GRM7: variants seen among roughly 807,000 people sequenced by gnomAD.
GRM7 encodes the protein glutamate metabotropic receptor 7, also known as metabotropic glutamate receptor 7.
Under a neutral mutation model 84.5 loss-of-function variants are expected in GRM7, and 35 were observed. The ratio of observed to expected loss-of-function variants is 0.41; its 90% CI spans 0.32 to 0.55. The LOEUF is 0.55. GRM7 is among the 20% of genes least tolerant of loss of function. The probability of loss-of-function intolerance (pLI) is 0.19; values close to 1 mark genes in which losing one functional copy is unlikely to be tolerated. For missense variants in GRM7, 1,003 were observed against 1,194.6 expected (o/e 0.84, Z 2.36); for synonymous variants, 487 against 455.1 (o/e 1.07, Z -0.89).
chr3:6,867,966 A>G (rs942635624), intron 1 of GRM7, among the ~76,000 whole-genome samples: 1 of 152,210 alleles, frequency 6.6e-6, no homozygotes, highest in East Asian at 1.9e-4. Flanking sequence ...CAAAAATCAA[A>G]TATATGAATT....
intron 1 of GRM7, among the ~76,000 whole-genome samples, chr3:6,952,615 C>A (rs971986587): frequency 6.6e-6 from 1 of 152,156 alleles, no homozygotes; most frequent in Non-Finnish European, 1.5e-5. Flanking sequence ...TCATAGGACT[C>A]ATTTTGTTTG....
At chr3:7,629,584 G>A (rs113518525) in intron 8 of GRM7, among the ~76,000 whole-genome samples, 2 of 152,182 alleles carry the variant, frequency 1.3e-5, no homozygotes, top group East Asian at 1.9e-4. Flanking sequence ...TCAAATATAC[G>A]TGCATTGGGG....
chr3:7,500,029 C>G (rs964717075), intron 7 of GRM7, among the ~76,000 whole-genome samples: 4 of 152,208 alleles, frequency 2.6e-5, no homozygotes, highest in African/African-American at 9.6e-5. Context: ...CCGCCTTGGC[C>G]TCCCAAAGTG....
intron 1 of GRM7, among the ~76,000 whole-genome samples, chr3:6,955,541 A>G (rs1230921983): frequency 6.6e-6 from 1 of 151,728 alleles, no homozygotes. Context: ...CATCAAAAAA[A>G]AAAAGAAGAA....
chr3:7,574,215 A>G (rs1360692223), intron 7 of GRM7, among the ~76,000 whole-genome samples: 1 of 146,416 alleles, frequency 6.8e-6, no homozygotes. Flanking sequence ...GCTGGAGTGC[A>G]GAGGCACAAT....
intron 1 of GRM7, among the ~76,000 whole-genome samples, chr3:7,004,308 G>A (rs1028834242): frequency 1.3e-5 from 2 of 152,108 alleles, no homozygotes; most frequent in African/African-American, 4.8e-5. Context: ...TGTATATGAT[G>A]TATTGGGATG....
intron 7 of GRM7, among the ~76,000 whole-genome samples, chr3:7,482,470 G>T (rs1471479211): frequency 6.6e-6 from 1 of 152,204 alleles, no homozygotes; most frequent in Non-Finnish European, 1.5e-5. Flanking sequence ...GTGGACCTAG[G>T]GAGGTACATG....
chr3:6,975,451 C>A (rs545509826), intron 1 of GRM7, among the ~76,000 whole-genome samples: 16 of 152,158 alleles, frequency 1.1e-4, no homozygotes, highest in Non-Finnish European at 2.4e-4. Flanking sequence ...AAAATCATTT[C>A]ACTTCTCTAG....
chr3:7,489,377 A>G (rs747201902), intron 7 of GRM7, among the ~76,000 whole-genome samples: 10 of 152,206 alleles, frequency 6.6e-5, no homozygotes, highest in Non-Finnish European at 1.0e-4. Flanking sequence ...TCCTTGGGAT[A>G]CACATTGTTA....
chr3:6,940,427 C>T (rs2125055914), intron 1 of GRM7, among the ~76,000 whole-genome samples: 1 of 152,268 alleles, frequency 6.6e-6, no homozygotes, highest in East Asian at 1.9e-4. Flanking sequence ...TCTTACTCAA[C>T]AAACATAAGT....
At chr3:7,649,460 G>C (rs1223722976) in intron 8 of GRM7, among the ~76,000 whole-genome samples, 2 of 152,006 alleles carry the variant, frequency 1.3e-5, no homozygotes, top group African/African-American at 4.8e-5. Context: ...TTTTGATGAA[G>C]GTTTCAAAAA....
intron 4 of GRM7, 47 bp from the exon 5 acceptor site, chr3:7,414,976 C>T: frequency 2.0e-6 from 3 of 1,485,332 alleles, no homozygotes; most frequent in Non-Finnish European, 2.7e-6. Flanking sequence ...TCTGAATGTG[C>T]CAGCAGTGCC....
At chr3:7,229,759 A>ATATTT (rs1434216248) in intron 2 of GRM7, among the ~76,000 whole-genome samples, 2 of 30,434 alleles carry the variant, frequency 6.6e-5, no homozygotes, top group Admixed American at 5.4e-4. Flanking sequence ...ATATATATAT[A>ATATTT]TTTTTTTTTT....
At chr3:7,176,527 CT>C (rs1695157417) in intron 2 of GRM7, among the ~76,000 whole-genome samples, 1 of 152,102 alleles carries the variant, frequency 6.6e-6, no homozygotes, top group South Asian at 2.1e-4. Context: ...CGCAATTGAC[CT>C]GCTACATTTA....
chr3:7,287,618 T>C (rs1316812524), intron 2 of GRM7, among the ~76,000 whole-genome samples: 1 of 152,146 alleles, frequency 6.6e-6, no homozygotes, highest in East Asian at 1.9e-4. Context: ...CTCTGGACTT[T>C]CTGAAAAATG....
intron 2 of GRM7, among the ~76,000 whole-genome samples, chr3:7,263,583 C>T (rs1348272220): frequency 6.6e-6 from 1 of 152,196 alleles, no homozygotes; most frequent in Non-Finnish European, 1.5e-5. Flanking sequence ...GTCATGTTAG[C>T]ATGAGGGTGG....
chr3:7,249,991 A>C lies in GRM7; in HGVS notation c.737-48693A>C, dbSNP rs144867185. ...CCTTTCAAGGACATGGTCAGAGGAC[A>C]TGGGCATCCTTATGCTCCATCTCTT... On this transcript the variant is annotated intron_variant, in intron 2 of 9. Transcript: ENST00000357716. Among the ~76,000 whole-genome samples, 40 of 152,312 alleles carry C rather than the reference A, an allele frequency of 2.6e-4. No homozygotes were observed. The East Asian group carries it at 7.5e-3, about 29-fold the overall frequency.
intron 1 of GRM7, among the ~76,000 whole-genome samples, chr3:7,085,978 A>C (rs995429264): frequency 6.6e-6 from 1 of 152,224 alleles, no homozygotes; most frequent in African/African-American, 2.4e-5. Flanking sequence ...GCAAATTTTG[A>C]GTACTAATGA....
At chr3:7,187,527 T>C (rs890581997) in intron 2 of GRM7, among the ~76,000 whole-genome samples, 11 of 152,178 alleles carry the variant, frequency 7.2e-5, no homozygotes, top group Admixed American at 2.0e-4. Context: ...AGTGGTAGAA[T>C]AGAAGAAAAC....
Sources: allele counts gnomAD v4.1 joint callset (sites outside exome capture counted in the v4.1 genomes callset), GRCh38; gene constraint gnomAD v4.1.1; transcripts MANE v1.5; gene names NCBI Gene and HGNC (gene_info 2026-07-23, HGNC 2026-07-21).